Variants in SPTBN4 observed in about 807,000 individuals in gnomAD.
The protein encoded by SPTBN4 is spectrin beta chain, non-erythrocytic 4.
SPTBN4 carries 96 observed loss-of-function variants against 277.8 expected under a neutral mutation model. That is an observed-to-expected ratio of 0.35 (90% CI 0.29 to 0.41). The LOEUF (loss-of-function observed/expected upper bound fraction) is 0.41. SPTBN4 is among the 10% of genes least tolerant of loss of function. The pLI, the probability that SPTBN4 is intolerant of heterozygous loss-of-function variation, is 1.00. For missense variants in SPTBN4, 3,006 were observed against 3,595.7 expected (o/e 0.84, Z 4.19); for synonymous variants, 1,481 against 1,580.3 (o/e 0.94, Z 1.49).
chr19:40,551,508 C>T (rs2080918059), intron 22 of SPTBN4, among the ~76,000 whole-genome samples: 1 of 152,114 alleles, frequency 6.6e-6, no homozygotes, highest in Admixed American at 6.6e-5. Flanking sequence ...CTAACCTGAG[C>T]AAGGTGGGGG....
At position 40,536,399 on chromosome 19, in the gene SPTBN4, A is replaced by G. The variant is rs560103668; in HGVS notation, c.4359+2056A>G. On this transcript the variant is annotated intron_variant, in intron 20 of 35. Coordinates refer to ENST00000598249, the MANE Select transcript of SPTBN4 (RefSeq NM_020971.3). The stretch of plus-strand genomic sequence containing the variant: ...CAGCTAATTTTTTTATTTTTAGTAG[A>G]GATGGGGTTTCACCATGTTGGCCAG... 7.2e-5 allele frequency among the ~76,000 whole-genome samples: 11 copies of G among 152,180 alleles called. No homozygotes were observed. In the East Asian group the frequency reaches 2.1e-3, roughly 30 times the overall value.
At chr19:40,557,918 C>CAAAAA (rs772813414) in intron 26 of SPTBN4, among the ~76,000 whole-genome samples, 1 of 44,316 alleles carries the variant, frequency 2.3e-5, no homozygotes, top group African/African-American at 8.3e-5. Context: ...TACTCTGTCT[C>CAAAAA]AAAAAAAAAA....
chr19:40,506,332 A>G lies in SPTBN4; in HGVS notation c.1762A>G (p.Ser588Gly). The stretch of plus-strand genomic sequence containing the variant: ...GCTGGAGGGAGACATTGCCGCCCAG[A>G]GCGAGCGGGTGGAGGCTCTCAATGC... The part of the protein sequence containing the change: ...GLLEGDIAAQ[S>G]ERVEALNAAA... Residue 588 changes from serine (S) to glycine (G), a missense_variant, in exon 13 of 36, where the codon AGC (serine) becomes GGC (glycine). Transcript: ENST00000598249. The G allele has an allele frequency of 6.2e-7, 1 of 1,614,114 alleles. No individual in the cohort carries two copies. Among genetic ancestry groups the G allele is most frequent in the Non-Finnish European group, 8.5e-7 (1 of 1,179,970 alleles).
intron 27 of SPTBN4, among the ~76,000 whole-genome samples, chr19:40,564,393 G>T (rs1306993828): frequency 6.6e-6 from 1 of 152,154 alleles, no homozygotes; most frequent in Non-Finnish European, 1.5e-5. Flanking sequence ...CACAAAATCT[G>T]GTGTGCATTT....
Position 40,554,485 on chromosome 19 carries a change from C to T in SPTBN4, c.4954-31C>T. On this transcript the variant is annotated intron_variant, in intron 23 of 35. Coordinates refer to ENST00000598249, the MANE Select transcript of SPTBN4 (RefSeq NM_020971.3). This position sits in a 1 kb window ranked among gnomAD's most constrained non-coding sequence, Gnocchi z 5.7. ...GCGCTGGAGCCGGGGGCCGCCGCTGCCGCCTCATCGTGGGCGCTTTGTGCC... is the reference window on the plus strand; with the variant it reads ...GCGCTGGAGCCGGGGGCCGCCGCTGTCGCCTCATCGTGGGCGCTTTGTGCC... 6.7e-7 allele frequency: 1 copy of T among 1,485,860 alleles called. No homozygotes were observed. 92.0% of individuals were successfully genotyped at this position (1,485,860 alleles called of 1,614,324 possible).
chr19:40,511,180 C>T (rs569758386), intron 13 of SPTBN4, among the ~76,000 whole-genome samples: 16 of 151,904 alleles, frequency 1.1e-4, no homozygotes, highest in Non-Finnish European at 1.5e-5. Flanking sequence ...CTGAGGGGGG[C>T]GGATCATGAG....
intron 25 of SPTBN4, 100 bp from the exon 26 acceptor site, chr19:40,556,923 G>A (rs1224108829): frequency 2.8e-6 from 4 of 1,440,646 alleles, no homozygotes; most frequent in African/African-American, 1.4e-5. Flanking sequence ...GCAAGACTCT[G>A]TATCAAAAAG....
At chr19:40,552,153 A>G (rs948853517) in intron 22 of SPTBN4, among the ~76,000 whole-genome samples, 1 of 151,844 alleles carries the variant, frequency 6.6e-6, no homozygotes, top group African/African-American at 2.4e-5. Flanking sequence ...CCCTGTCTCT[A>G]CTAAAAATGC....
At chr19:40,544,235 C>T (rs1006126381) in intron 20 of SPTBN4, among the ~76,000 whole-genome samples, 3 of 151,632 alleles carry the variant, frequency 2.0e-5, no homozygotes, top group African/African-American at 4.8e-5. Flanking sequence ...CTCCGCCTCC[C>T]GGGTTCAAGC....
chr19:40,480,118 G>T (rs1051404118), intron 2 of SPTBN4, among the ~76,000 whole-genome samples: 5 of 152,044 alleles, frequency 3.3e-5, no homozygotes, highest in Admixed American at 3.3e-4. Flanking sequence ...GGGCGTGGTG[G>T]TGGGCACTTG....
At chr19:40,544,127 CT>C (rs10618096) in intron 20 of SPTBN4, among the ~76,000 whole-genome samples, 23,011 of 128,970 alleles carry the variant, frequency 0.18, 1,649 homozygotes, top group African/African-American at 0.28. Context: ...TCTTCTTCCT[CT>C]TTTTTTTTTT....
Position 40,568,280 on chromosome 19 carries a change from G to A in SPTBN4, c.6954G>A (p.Lys2318=), listed in dbSNP as rs748565875. 1 of 1,601,626 alleles carries A rather than the reference G, an allele frequency of 6.2e-7. No individual in the cohort carries two copies. Among genetic ancestry groups the A allele is most frequent in the South Asian group, 1.1e-5 (1 of 89,166 alleles). The part of the protein sequence containing the change: ...QEMPIRGDLV[K]GKATLADIVE... Reference sequence around the variant, plus strand: ...TGCCCATCAGAGGAGACCTGGTCAAGGGGTGAGGTGCCCGCCTTATGACCA... The same window carrying A: ...TGCCCATCAGAGGAGACCTGGTCAAAGGGTGAGGTGCCCGCCTTATGACCA... The change falls in exon 31 of 36, where the codon AAG becomes AAA. Residue 2318 remains lysine (K), a splice_region_variant and synonymous_variant. Coordinates refer to ENST00000598249, the MANE Select transcript of SPTBN4 (RefSeq NM_020971.3).
intron 5 of SPTBN4, 114 bp from the exon 6 acceptor site, chr19:40,494,783 A>C (rs2080177284): frequency 5.4e-5 from 43 of 791,670 alleles, no homozygotes; most frequent in Non-Finnish European, 7.6e-5. Context: ...TCTATGTTCT[A>C]CCCCCTCTCT....
At chr19:40,531,464 GTTTTTT>G (rs71173645) in intron 18 of SPTBN4, among the ~76,000 whole-genome samples, 911 of 40,956 alleles carry the variant, frequency 0.022, 34 homozygotes, top group African/African-American at 0.07. Flanking sequence ...TCCAGTGTTT[GTTTTTT>G]TTTTTTTTTT....
chr19:40,519,944 C>A lies in SPTBN4; in HGVS notation c.3447C>A (p.Ile1149=). The change falls in exon 16 of 36, where the codon ATC becomes ATA. Residue 1149 remains isoleucine (I), a synonymous_variant. Coordinates refer to ENST00000598249, the MANE Select transcript of SPTBN4 (RefSeq NM_020971.3). The surrounding 1 kb of genome is among the most constrained non-coding windows in gnomAD (Gnocchi z 5.7). ...AGCGCGAGGAAGACTATGCTCGCAT[C>A]GTGGCGGCCAGCGAGGCGCTGCTGG... is the stretch of plus-strand genomic sequence containing the variant. ...VDQREEDYAR[I]VAASEALLAA... 6.5e-7 allele frequency: 1 copy of A among 1,547,808 alleles called. No individual in the cohort carries two copies. The highest frequency in any genetic ancestry group is 8.7e-7 in the Non-Finnish European group (1 of 1,155,020).
chr19:40,549,656 C>T (rs2080896202), intron 21 of SPTBN4, among the ~76,000 whole-genome samples: 1 of 152,216 alleles, frequency 6.6e-6, no homozygotes, highest in Non-Finnish European at 1.5e-5. Flanking sequence ...CTTTCCTCCA[C>T]TCATTTATTT....
At chr19:40,482,548 G>A (rs1008395175) in intron 2 of SPTBN4, among the ~76,000 whole-genome samples, 4 of 152,214 alleles carry the variant, frequency 2.6e-5, no homozygotes, top group Admixed American at 6.5e-5. Flanking sequence ...CAGGGTTGCC[G>A]TATCATGTGA....
At chr19:40,501,112 C>T (rs2080258599) in intron 7 of SPTBN4, among the ~76,000 whole-genome samples, 10 of 151,898 alleles carry the variant, frequency 6.6e-5, no homozygotes. Flanking sequence ...GTGGTTCACA[C>T]CTTTAGTTCT....
rs2081144643 is a variant in SPTBN4, at chr19:40,570,548, C to A, written c.7139C>A (p.Pro2380Gln). 5.1e-6 allele frequency: 7 copies of A among 1,361,564 alleles called. No individual in the cohort carries two copies. The Admixed American group carries it at 2.7e-4, about 53-fold the overall frequency. The allele number at this position is 1,361,564 out of a possible 1,614,324, so 84.3% of individuals were successfully genotyped here. Reference sequence around the variant, plus strand: ...CCCCGGGCGCGGGACCGGCCCAAGCCGCGACGGCGGCCGCGGCCCAGAGAG... The same window carrying A: ...CCCCGGGCGCGGGACCGGCCCAAGCAGCGACGGCGGCCGCGGCCCAGAGAG... Reference protein sequence around the residue: ...DRPRARDRPKPRRRPRPREGG... With the variant: ...DRPRARDRPKQRRRPRPREGG... The change falls in exon 33 of 36, where the codon CCG (proline) becomes CAG (glutamine). Residue 2380 changes from proline to glutamine, a missense_variant. Around this residue, in one of 5 missense-constraint regions of SPTBN4, gnomAD observed 630 missense variants for 677.6 expected, o/e 0.93. Transcript: ENST00000598249.
Sources: allele counts gnomAD v4.1 joint callset (sites outside exome capture counted in the v4.1 genomes callset), GRCh38; gene constraint gnomAD v4.1.1; regional missense constraint gnomAD v4.1.1; non-coding constraint Gnocchi (gnomAD v3.1); transcripts MANE v1.5; gene names NCBI Gene and HGNC (gene_info 2026-07-23, HGNC 2026-07-21).